PTPRD: variants seen among roughly 807,000 people sequenced by gnomAD.
PTPRD encodes the protein receptor-type tyrosine-protein phosphatase delta.
PTPRD carries 34 observed loss-of-function variants against 214.5 expected under a neutral mutation model. The observed-to-expected ratio is 0.16, with a 90% CI of 0.12 to 0.21. PTPRD has a LOEUF of 0.21. PTPRD is among the 10% of genes least tolerant of loss of function. The pLI, the probability that PTPRD is intolerant of heterozygous loss-of-function variation, is 1.00. For synonymous variants in PTPRD, 1,128 were observed against 845.7 expected (o/e 1.33, Z -5.79); for missense variants, 2,545 against 2,398.7 (o/e 1.06, Z -1.27).
intron 11 of PTPRD, among the ~76,000 whole-genome samples, chr9:9,009,731 A>G (rs887553265): frequency 1.3e-5 from 2 of 152,056 alleles, no homozygotes; most frequent in African/African-American, 4.8e-5. Context: ...GTATGTGCCA[A>G]TTTGGAAATA....
intron 9 of PTPRD, among the ~76,000 whole-genome samples, chr9:9,292,458 A>G (rs1362548929): frequency 6.6e-6 from 1 of 151,354 alleles, no homozygotes; most frequent in Non-Finnish European, 1.5e-5. Flanking sequence ...TTTTTTTTAA[A>G]TAAACTTTAT....
chr9:8,382,108 G>T (rs12553563), intron 37 of PTPRD, among the ~76,000 whole-genome samples: 16,629 of 152,108 alleles, frequency 0.11, 1,873 homozygotes, highest in East Asian at 0.49. Context: ...CTTCCAAACA[G>T]TATCATTAGA....
chr9:9,328,354 T>C (rs1285124430), intron 9 of PTPRD, among the ~76,000 whole-genome samples: 1 of 152,028 alleles, frequency 6.6e-6, no homozygotes, highest in African/African-American at 2.4e-5. Context: ...CTTTTAGACA[T>C]CTTTTGTTAT....
intron 10 of PTPRD, among the ~76,000 whole-genome samples, chr9:9,140,571 A>T (rs2099858478): frequency 6.6e-6 from 1 of 152,170 alleles, no homozygotes; most frequent in South Asian, 2.1e-4. Flanking sequence ...TGACAGAAAC[A>T]GTGCTACATC....
At chr9:8,759,264 C>A (rs1408751690) in intron 11 of PTPRD, among the ~76,000 whole-genome samples, 1 of 152,070 alleles carries the variant, frequency 6.6e-6, no homozygotes, top group Admixed American at 6.6e-5. Context: ...GTTGATCAGG[C>A]TGATGTTGAA....
chr9:10,069,702 G>A (rs2097958264), intron 3 of PTPRD, among the ~76,000 whole-genome samples: 1 of 151,998 alleles, frequency 6.6e-6, no homozygotes, highest in Non-Finnish European at 1.5e-5. Context: ...TAGTGCATAT[G>A]AGTAATGACT....
At chr9:10,161,955 T>C (rs1055127403) in intron 3 of PTPRD, among the ~76,000 whole-genome samples, 1 of 151,658 alleles carries the variant, frequency 6.6e-6, no homozygotes, top group African/African-American at 2.4e-5. Context: ...ATGCTTAACA[T>C]CACTAATCAT....
At chr9:8,332,963 TG>T (rs1346664399) in intron 43 of PTPRD, among the ~76,000 whole-genome samples, 7 of 152,186 alleles carry the variant, frequency 4.6e-5, no homozygotes, top group Non-Finnish European at 8.8e-5. Context: ...TCTGGGTAAG[TG>T]AACAGGGACT....
chr9:9,378,156 G>C (rs187433605), intron 9 of PTPRD, among the ~76,000 whole-genome samples: 1 of 152,148 alleles, frequency 6.6e-6, no homozygotes, highest in African/African-American at 2.4e-5. Flanking sequence ...TTACAGAGTA[G>C]TTTCACCACC....
rs186752523 is a variant in PTPRD, at chr9:9,624,773, A to G, written c.-286-49992T>C. The stretch of plus-strand genomic sequence containing the variant: ...AGTTTCCAGCAGTCTCAGTTCTCAG[A>G]GTTCTGGCCATGTTTCTTTAGGTTA... On this transcript the variant is annotated intron_variant, in intron 7 of 45. Coordinates refer to ENST00000381196, the MANE Select transcript of PTPRD (RefSeq NM_002839.4). Among the ~76,000 whole-genome samples the G allele has an allele frequency of 1.1e-4, 16 of 151,684 alleles. No homozygotes were observed. The East Asian group carries it at 3.1e-3, about 29-fold the overall frequency.
chr9:9,978,085 T>C (rs903668441), intron 4 of PTPRD, among the ~76,000 whole-genome samples: 1 of 129,172 alleles, frequency 7.7e-6, no homozygotes, highest in South Asian at 2.6e-4. Context: ...GAGCAACCAC[T>C]TAGCCAAAAT....
At chr9:8,575,321 A>C (rs1248664488) in intron 14 of PTPRD, among the ~76,000 whole-genome samples, 2 of 152,150 alleles carry the variant, frequency 1.3e-5, no homozygotes, top group Admixed American at 1.3e-4. Context: ...AACACACTCA[A>C]GTATTCTTTT....
intron 5 of PTPRD, among the ~76,000 whole-genome samples, chr9:9,800,213 C>T (rs574585977): frequency 2.0e-5 from 3 of 152,070 alleles, no homozygotes; most frequent in Non-Finnish European, 4.4e-5. Context: ...GGTGCACTTG[C>T]AGTACCAGCT....
At chr9:10,379,783 T>G (rs755202008) in intron 2 of PTPRD, among the ~76,000 whole-genome samples, 6 of 152,092 alleles carry the variant, frequency 3.9e-5, no homozygotes, top group Admixed American at 3.9e-4. Flanking sequence ...ATAATGTAGT[T>G]TGAACTATGT....
At chr9:8,486,506 A>C (rs2097016303) in intron 27 of PTPRD, 157 bp from the exon 28 acceptor site, 1 of 755,354 alleles carries the variant, frequency 1.3e-6, no homozygotes, top group Non-Finnish European at 2.4e-6. Flanking sequence ...ACCTTTGTGG[A>C]AATATGCTCC....
intron 9 of PTPRD, among the ~76,000 whole-genome samples, chr9:9,287,080 C>T (rs772914286): frequency 2.0e-5 from 3 of 150,168 alleles, no homozygotes; most frequent in Non-Finnish European, 3.0e-5. Flanking sequence ...CAAAAATCAG[C>T]TGGGCGTAGT....
chr9:10,581,734 G>T (rs369223745), intron 2 of PTPRD, among the ~76,000 whole-genome samples: 46 of 152,198 alleles, frequency 3.0e-4, no homozygotes, highest in African/African-American at 1.1e-3. Flanking sequence ...CCTCAGTTTA[G>T]TCTCAGCAGT....
chr9:8,777,363 A>C (rs1398456729), intron 11 of PTPRD, among the ~76,000 whole-genome samples: 1 of 140,600 alleles, frequency 7.1e-6, no homozygotes, highest in Admixed American at 6.9e-5. Context: ...TCCTTCTGGA[A>C]AAAAAAAGAG....
At chr9:10,600,168 G>T (rs770824525) in intron 2 of PTPRD, among the ~76,000 whole-genome samples, 17 of 151,528 alleles carry the variant, frequency 1.1e-4, no homozygotes, top group Non-Finnish European at 2.4e-4. Context: ...AACTTAAAAT[G>T]ATTTGTTTAA....
Sources: allele counts gnomAD v4.1 joint callset (sites outside exome capture counted in the v4.1 genomes callset), GRCh38; gene constraint gnomAD v4.1.1; transcripts MANE v1.5; gene names NCBI Gene and HGNC (gene_info 2026-07-23, HGNC 2026-07-21).